MAP4: variants seen among roughly 807,000 people sequenced by gnomAD.
MAP4 encodes the protein microtubule associated protein 4, also known as microtubule-associated protein 4.
Under a neutral mutation model 170.2 loss-of-function variants are expected in MAP4, and 76 were observed. The observed-to-expected ratio is 0.45, with a 90% CI of 0.37 to 0.54. MAP4 has a LOEUF of 0.54. Among genes scored for constraint, MAP4 ranks in the 20% least tolerant of loss-of-function variants. The pLI, the probability that MAP4 is intolerant of heterozygous loss-of-function variation, is 0.00. For synonymous variants in MAP4, 909 were observed against 994.5 expected (o/e 0.91, Z 1.62); for missense variants, 2,506 against 2,748.0 (o/e 0.91, Z 1.97).
chr3:47,989,603 G>A (rs1165410610), intron 2 of MAP4, among the ~76,000 whole-genome samples: 1 of 152,184 alleles, frequency 6.6e-6, no homozygotes, highest in Non-Finnish European at 1.5e-5. Context: ...AAAGGAAGAA[G>A]AGAAGCTGGA....
In MAP4 at chr3:47,998,830, T is replaced by G; in HGVS notation, c.31A>C (p.Thr11Pro). 1 of 1,614,180 alleles carries G rather than the reference T, an allele frequency of 6.2e-7. No individual in the cohort carries two copies. The highest frequency in any genetic ancestry group is 8.5e-7 in the Non-Finnish European group (1 of 1,179,992). Residue 11 changes from threonine (T) to proline (P), a missense_variant, in exon 2 of 21, where the codon ACA becomes CCA. Physicochemically the swap from Thr to Pro is conservative, Grantham distance 38. This residue lies in a region of MAP4 where 2,008 missense variants were observed against 2,206.0 expected (regional missense o/e 0.91). Coordinates refer to ENST00000683076, the MANE Select transcript of MAP4 (RefSeq NM_001385682.1). MADLSLADAL[T>P]EPSPDIEGEI... ...CCCTCAATGTCTGGAGATGGTTCTG[T>G]TAATGCATCTGCAAGACTGAGGTCA...
At position 47,916,705 on chromosome 3, in the gene MAP4, T is replaced by C. The variant is rs1171703834; in HGVS notation, c.1122A>G (p.Lys374=). 17 of 1,614,048 alleles carry C rather than the reference T, an allele frequency of 1.1e-5. No homozygotes were observed. In the Admixed American group the frequency reaches 2.0e-4, roughly 19 times the overall value. ...LAPSKDMGPP[K]ENKKETERAS... ...CCCTCTCTGTTTCTTTCTTGTTTTC[T>C]TTGGGTGGTCCCATGTCCTTGGAAG... The change falls in exon 7 of 21, where the codon AAA becomes AAG. Residue 374 remains lysine (K), a synonymous_variant. Coordinates refer to ENST00000683076, the MANE Select transcript of MAP4 (RefSeq NM_001385682.1).
intron 17 of MAP4, among the ~76,000 whole-genome samples, chr3:47,859,672 A>G (rs1330736498): frequency 2.0e-5 from 3 of 152,220 alleles, no homozygotes; most frequent in Non-Finnish European, 4.4e-5. Flanking sequence ...CTATACCATA[A>G]TGGCTTCACG....
chr3:48,025,002 G>A (rs186624604), intron 1 of MAP4, among the ~76,000 whole-genome samples: 24 of 151,292 alleles, frequency 1.6e-4, no homozygotes, highest in Non-Finnish European at 2.7e-4. Context: ...GTCCAGGCTC[G>A]AGTGCAGTGG....
At chr3:48,062,494 T>TAAAAAAAAAAAAAAAA (rs1156947592) in intron 1 of MAP4, among the ~76,000 whole-genome samples, 1 of 81,554 alleles carries the variant, frequency 1.2e-5, no homozygotes, top group African/African-American at 5.1e-5. Context: ...GAATGATCAA[T>TAAAAAAAAAAAAAAAA]AAAAAAAAAA....
intron 1 of MAP4, among the ~76,000 whole-genome samples, chr3:48,070,639 A>G (rs911768303): frequency 6.7e-6 from 1 of 149,822 alleles, no homozygotes; most frequent in Non-Finnish European, 1.5e-5. Flanking sequence ...GTGTTTTTGT[A>G]GAACAGGTTG....
Position 47,928,281 on chromosome 3 carries a change from T to G in MAP4, c.362A>C (p.Glu121Ala). The G allele has an allele frequency of 6.2e-7, 1 of 1,614,160 alleles. No individual in the cohort carries two copies. The stretch of plus-strand genomic sequence containing the variant: ...AGGTTGGAAACAAAAGTTGGTATCT[T>G]CTGGCCAGTTCTGGCTATTTGGGTA... ...QEYPNSQNWPEDTNFCFQPEQ... is the reference protein window; with the variant it reads ...QEYPNSQNWPADTNFCFQPEQ... Residue 121 changes from glutamate (E) to alanine (A), a missense_variant, in exon 4 of 21, where the codon GAA (glutamate) becomes GCA (alanine). Physicochemically the swap from Glu to Ala is moderately radical, Grantham distance 107 (BLOSUM62 -1). Coordinates refer to ENST00000683076, the MANE Select transcript of MAP4 (RefSeq NM_001385682.1).
At chr3:48,011,106 G>C (rs2100105014) in intron 1 of MAP4, among the ~76,000 whole-genome samples, 1 of 152,196 alleles carries the variant, frequency 6.6e-6, no homozygotes, top group Non-Finnish European at 1.5e-5. Context: ...TGGCATGACA[G>C]AGCTGTTGTC....
rs1314140869 is a variant in MAP4, at chr3:48,087,693, ACG to A, written c.-20+1078_-20+1079del. On this transcript the variant is annotated intron_variant, in intron 1 of 18. Coordinates refer to the MAP4 transcript ENST00000360240. ...ACAGCAGCAGGGAAATGGGCGGGAG[ACG>A]CGCGCGCGCGCACACACACATACAC... 6.6e-5 allele frequency among the ~76,000 whole-genome samples: 10 copies of A among 151,530 alleles called. No homozygotes were observed. The East Asian group carries it at 1.7e-3, about 27-fold the overall frequency.
intron 8 of MAP4, 76 bp from the exon 9 acceptor site, chr3:47,912,497 C>G (rs2100036487): frequency 8.4e-6 from 11 of 1,311,874 alleles, no homozygotes; most frequent in Non-Finnish European, 1.1e-5. Flanking sequence ...ACAAAAAAAC[C>G]AGACCATATA....
At chr3:47,965,616 T>A (rs1193838290) in intron 3 of MAP4, among the ~76,000 whole-genome samples, 1 of 152,250 alleles carries the variant, frequency 6.6e-6, no homozygotes, top group Non-Finnish European at 1.5e-5. Flanking sequence ...AAGTGATATT[T>A]CATTGTGGTT....
chr3:47,870,807 A>AC lies in MAP4; in HGVS notation c.6294+5dup. 1 of 1,538,828 alleles carries AC rather than the reference A, an allele frequency of 6.5e-7. No individual in the cohort carries two copies. The highest frequency in any genetic ancestry group is 8.8e-7 in the Non-Finnish European group (1 of 1,141,510). On this transcript the variant is annotated splice_donor_region_variant and intron_variant, in intron 15 of 20. Coordinates refer to ENST00000683076, the MANE Select transcript of MAP4 (RefSeq NM_001385682.1). ...CATGCCAGGACCCCAAGCTCCCTGG[A>AC]CCCACCCGGCCTCCTCCAGGCTGAT...
chr3:47,853,548 C>T (rs1281470865), intron 19 of MAP4, among the ~76,000 whole-genome samples, 196 bp from the exon 20 acceptor site: 1 of 151,846 alleles, frequency 6.6e-6, no homozygotes, highest in South Asian at 2.1e-4. Flanking sequence ...GACCGACTCC[C>T]GAGGGTCAGG....
At chr3:47,942,499 G>A (rs550001646) in intron 3 of MAP4, among the ~76,000 whole-genome samples, 82 of 152,264 alleles carry the variant, frequency 5.4e-4, no homozygotes, top group African/African-American at 1.9e-3. Context: ...GGCCCCAAGT[G>A]ATTCTCCCAC....
intron 1 of MAP4, among the ~76,000 whole-genome samples, chr3:48,035,001 T>A (rs540175418): frequency 1.3e-5 from 2 of 151,622 alleles, no homozygotes; most frequent in African/African-American, 4.8e-5. Context: ...AGACAGAGAG[T>A]GAGACACTGT....
intron 2 of MAP4, among the ~76,000 whole-genome samples, chr3:47,982,436 A>G (rs1053477089): frequency 6.6e-6 from 1 of 152,208 alleles, no homozygotes; most frequent in Non-Finnish European, 1.5e-5. Context: ...GCTTGTTCGT[A>G]TATTTTTAAA....
intron 1 of MAP4, among the ~76,000 whole-genome samples, chr3:48,009,747 AC>A (rs938513469): frequency 6.6e-6 from 1 of 152,178 alleles, no homozygotes; most frequent in African/African-American, 2.4e-5. Context: ...TGGAAGTGGC[AC>A]CACTCACCAT....
rs1169215914 is a variant in MAP4, at chr3:47,951,744, G to C, written c.293-23394C>G. The stretch of plus-strand genomic sequence containing the variant: ...ACCTGCCTTGGCCTCCCAAAGTGCC[G>C]AGATTGCAGCCTCTGCCCGGCAGCC... On this transcript the variant is annotated intron_variant, in intron 3 of 20. Transcript: ENST00000683076. Among the ~76,000 whole-genome samples the C allele has an allele frequency of 2.6e-5, 4 of 152,110 alleles. 1 individual carries two copies. The South Asian group carries it at 6.2e-4, about 24-fold the overall frequency.
At chr3:48,047,480 T>C (rs138447330) in intron 1 of MAP4, among the ~76,000 whole-genome samples, 2,418 of 152,214 alleles carry the variant, frequency 0.016, 32 homozygotes, top group Non-Finnish European at 0.024. Context: ...GAAGCCATGG[T>C]GGCTGAAAGC....
Sources: gnomAD v4.1 joint callset for allele counts (sites outside exome capture counted in the v4.1 genomes callset) on GRCh38, gnomAD v4.1.1 for gene constraint, gnomAD v4.1.1 regional missense constraint, MANE v1.5 for transcripts, NCBI Gene and HGNC (gene_info 2026-07-23, HGNC 2026-07-21) for gene names.